Variants in SORCS2 observed in about 807,000 individuals in gnomAD.
SORCS2 encodes sortilin related VPS10 domain containing receptor 2.
Under a neutral mutation model 141.6 loss-of-function variants are expected in SORCS2, and 100 were observed. That is an observed-to-expected ratio of 0.71 (90% CI 0.60 to 0.83). SORCS2 has a LOEUF of 0.83. Among genes scored for constraint, SORCS2 ranks in the 40% least tolerant of loss-of-function variants. The pLI, the probability that SORCS2 is intolerant of heterozygous loss-of-function variation, is 0.00. For synonymous variants in SORCS2, 789 were observed against 676.9 expected (o/e 1.17, Z -2.57); for missense variants, 1,646 against 1,560.2 (o/e 1.05, Z -0.93).
Position 7,192,657 on chromosome 4 carries a change from G to A in SORCS2, c.11G>A (p.Arg4Gln). The A allele has an allele frequency of 1.0e-6, 1 of 987,080 alleles. No homozygotes were observed. The highest frequency in any genetic ancestry group is 1.2e-6 in the Non-Finnish European group (1 of 832,296). The allele number at this position is 987,080 out of a possible 1,614,324, so 61.1% of individuals were successfully genotyped here. Residue 4 changes from arginine (R) to glutamine (Q), a missense_variant, in exon 1 of 27, where the codon CGG becomes CAG. Transcript: ENST00000507866. This position sits in a 1 kb window ranked among gnomAD's most constrained non-coding sequence, Gnocchi z 4.0. Reference protein sequence around the residue: MAHRGPSRASKGPG... With the variant: MAHQGPSRASKGPG... ...CCGCCCCTGGCGACCATGGCGCACC[G>A]GGGGCCCTCGCGCGCCTCGAAGGGC...
intron 3 of SORCS2, among the ~76,000 whole-genome samples, chr4:7,614,964 A>G (rs1367383637): frequency 1.3e-5 from 2 of 151,492 alleles, no homozygotes; most frequent in Admixed American, 1.3e-4. Context: ...TTCACCCATA[A>G]TCCAGGGACT....
intron 2 of SORCS2, among the ~76,000 whole-genome samples, chr4:7,489,995 GTGT>G (rs1171732206): frequency 6.6e-6 from 1 of 152,194 alleles, no homozygotes; most frequent in Non-Finnish European, 1.5e-5. Flanking sequence ...CAGGAGGCTG[GTGT>G]TGTATTTCAG....
intron 1 of SORCS2, among the ~76,000 whole-genome samples, chr4:7,323,859 G>A (rs1309184712): frequency 6.6e-6 from 1 of 152,006 alleles, no homozygotes; most frequent in Non-Finnish European, 1.5e-5. Context: ...CTGGAGAGCT[G>A]GGCACGTCAT....
intron 8 of SORCS2, among the ~76,000 whole-genome samples, chr4:7,675,358 C>G (rs984127987): frequency 1.6e-4 from 25 of 152,206 alleles, no homozygotes; most frequent in Admixed American, 5.2e-4. Context: ...CTGCCTCCCC[C>G]TCCAGACTGT....
chr4:7,403,961 GTATA>G (rs71635960), intron 2 of SORCS2, among the ~76,000 whole-genome samples: 78 of 29,854 alleles, frequency 2.6e-3, no homozygotes, highest in African/African-American at 2.5e-3. Flanking sequence ...CTCCATGTGT[GTATA>G]TATATATATA....
At chr4:7,398,480 G>A (rs1026374221) in intron 2 of SORCS2, among the ~76,000 whole-genome samples, 6 of 152,150 alleles carry the variant, frequency 3.9e-5, no homozygotes, top group African/African-American at 7.2e-5. Context: ...TTAATTTTCC[G>A]TGTTCCCTTC....
chr4:7,482,855 C>T (rs1730738455), intron 2 of SORCS2, among the ~76,000 whole-genome samples: 1 of 151,610 alleles, frequency 6.6e-6, no homozygotes, highest in African/African-American at 2.4e-5. Context: ...TGTATCCCCG[C>T]CGCGGACACC....
intron 1 of SORCS2, among the ~76,000 whole-genome samples, chr4:7,301,271 GAC>G (rs1345413495): frequency 3.3e-5 from 5 of 152,166 alleles, no homozygotes; most frequent in Non-Finnish European, 7.3e-5. Context: ...AGACGTTGAA[GAC>G]ACAGCAGCTA....
chr4:7,689,864 G>GATGA (rs1158364273), intron 11 of SORCS2, among the ~76,000 whole-genome samples: 12 of 146,000 alleles, frequency 8.2e-5, no homozygotes, highest in African/African-American at 2.8e-4. Context: ...ATTGATAGAT[G>GATGA]ATGAATGATG....
intron 1 of SORCS2, among the ~76,000 whole-genome samples, chr4:7,246,980 A>G (rs895637911): frequency 2.6e-5 from 4 of 152,136 alleles, no homozygotes; most frequent in African/African-American, 4.8e-5. Flanking sequence ...CCCAGCTAGA[A>G]GTGGGTTCCT....
intron 1 of SORCS2, among the ~76,000 whole-genome samples, chr4:7,293,318 A>T (rs534042065): frequency 2.6e-5 from 4 of 151,240 alleles, no homozygotes; most frequent in Non-Finnish European, 4.4e-5. Context: ...AAAAAAAAAA[A>T]GAAATGGTGC....
intron 2 of SORCS2, among the ~76,000 whole-genome samples, chr4:7,469,410 C>A (rs1022788115): frequency 6.6e-6 from 1 of 152,210 alleles, no homozygotes; most frequent in African/African-American, 2.4e-5. Context: ...TGCTTCTGTG[C>A]AAACCCTAAT....
chr4:7,509,738 G>A (rs1219654930), intron 2 of SORCS2, among the ~76,000 whole-genome samples: 2 of 152,198 alleles, frequency 1.3e-5, no homozygotes, highest in Non-Finnish European at 2.9e-5. Flanking sequence ...CTGGGCTCTG[G>A]AGAGAAGGCT....
intron 9 of SORCS2, among the ~76,000 whole-genome samples, chr4:7,677,450 C>T (rs1723237959): frequency 6.6e-6 from 1 of 152,262 alleles, no homozygotes; most frequent in Non-Finnish European, 1.5e-5. Flanking sequence ...CAGACATAAG[C>T]AGGAAAACCA....
At chr4:7,345,546 G>T (rs944822964) in intron 1 of SORCS2, among the ~76,000 whole-genome samples, 4 of 152,156 alleles carry the variant, frequency 2.6e-5, no homozygotes, top group African/African-American at 9.7e-5. Context: ...CAGTAATGCT[G>T]CTGGCTAGCT....
intron 11 of SORCS2, among the ~76,000 whole-genome samples, chr4:7,695,940 G>GTAGA (rs1553905647): frequency 0.014 from 1,241 of 88,584 alleles, 107 homozygotes; most frequent in Non-Finnish European, 0.02. Context: ...GGGTGGGTGG[G>GTAGA]TGGATGGATG....
chr4:7,544,735 G>A (rs1290878104), intron 3 of SORCS2, among the ~76,000 whole-genome samples: 3 of 152,254 alleles, frequency 2.0e-5, no homozygotes, highest in African/African-American at 4.8e-5. Flanking sequence ...CAGGCTCTGA[G>A]CACCCACAGC....
At chr4:7,599,329 G>A (rs1717501165) in intron 3 of SORCS2, among the ~76,000 whole-genome samples, 1 of 152,166 alleles carries the variant, frequency 6.6e-6, no homozygotes, top group Non-Finnish European at 1.5e-5. Context: ...AAGTGGCGGT[G>A]ATCCACGTGC....
At position 7,700,308 on chromosome 4, in the gene SORCS2, G is replaced by A. The variant is rs148868247; in HGVS notation, c.1669-2972G>A. Among the ~76,000 whole-genome samples, 1,094 of 152,346 alleles carry A rather than the reference G, an allele frequency of 7.2e-3. 12 individuals carry two copies. Among genetic ancestry groups the A allele is most frequent in the African/African-American group, 0.025 (1,060 of 41,582 alleles). The stretch of plus-strand genomic sequence containing the variant: ...TGTGGCAGGGCCTGAAACTGGGCTC[G>A]AGGGTAAAGATGACAGGGCCCCCTC... On this transcript the variant is annotated intron_variant, in intron 12 of 26. Transcript: ENST00000507866.
Sources: allele counts gnomAD v4.1 joint callset (sites outside exome capture counted in the v4.1 genomes callset), GRCh38; gene constraint gnomAD v4.1.1; non-coding constraint Gnocchi (gnomAD v3.1); transcripts MANE v1.5; gene names NCBI Gene and HGNC (gene_info 2026-07-23, HGNC 2026-07-21).